TRABD2B: variants seen among roughly 807,000 people sequenced by gnomAD.
TRABD2B encodes TraB domain containing 2B.
Under a neutral mutation model 40.1 loss-of-function variants are expected in TRABD2B, and 14 were observed. That is an observed-to-expected ratio of 0.35 (90% CI 0.23 to 0.55). The LOEUF is 0.55. Among genes scored for constraint, TRABD2B ranks in the 20% least tolerant of loss-of-function variants. The pLI is 0.90. For missense variants in TRABD2B, 541 were observed against 648.6 expected (o/e 0.83, Z 1.80); for synonymous variants, 263 against 277.0 (o/e 0.95, Z 0.50).
At chr1:47,894,839 G>A (rs1644495067) in intron 2 of TRABD2B, among the ~76,000 whole-genome samples, 1 of 152,156 alleles carries the variant, frequency 6.6e-6, no homozygotes, top group South Asian at 2.1e-4. Context: ...TGCAACATGT[G>A]CTGAGGACAC....
At chr1:47,956,964 C>T (rs1353340049) in intron 2 of TRABD2B, among the ~76,000 whole-genome samples, 1 of 152,222 alleles carries the variant, frequency 6.6e-6, no homozygotes, top group Non-Finnish European at 1.5e-5. Context: ...CCACTAGGGG[C>T]TGACTGACAC....
At chr1:47,936,759 A>C (rs898932217) in intron 2 of TRABD2B, among the ~76,000 whole-genome samples, 13 of 152,192 alleles carry the variant, frequency 8.5e-5, no homozygotes, top group Non-Finnish European at 1.3e-4. Flanking sequence ...CATCTGTAGA[A>C]TAAGTATGAT....
chr1:47,798,662 C>T (rs74069685), intron 3 of TRABD2B, among the ~76,000 whole-genome samples: 13,279 of 152,250 alleles, frequency 0.087, 648 homozygotes, highest in Admixed American at 0.11. Context: ...GACCACATTG[C>T]TCTCCAGCTT....
intron 2 of TRABD2B, among the ~76,000 whole-genome samples, chr1:47,831,178 G>A (rs1645243384): frequency 1.3e-5 from 2 of 152,086 alleles, no homozygotes; most frequent in South Asian, 2.1e-4. Flanking sequence ...TCTGGAGACG[G>A]GGGGCAAACT....
intron 2 of TRABD2B, among the ~76,000 whole-genome samples, chr1:47,808,366 T>C: frequency 6.6e-6 from 1 of 152,234 alleles, no homozygotes; most frequent in East Asian, 1.9e-4. Flanking sequence ...CACATACATA[T>C]ATTCTATTGG....
At chr1:47,951,466 C>T (rs1241870421) in intron 2 of TRABD2B, among the ~76,000 whole-genome samples, 1 of 152,176 alleles carries the variant, frequency 6.6e-6, no homozygotes, top group Non-Finnish European at 1.5e-5. Flanking sequence ...GGATGCCGTC[C>T]TCCCAGGGCC....
chr1:47,979,855 T>C (rs1457376591), intron 2 of TRABD2B, among the ~76,000 whole-genome samples: 1 of 152,186 alleles, frequency 6.6e-6, no homozygotes, highest in Non-Finnish European at 1.5e-5. Flanking sequence ...AACCCAGTCC[T>C]GAGTTCCTGT....
chr1:47,926,323 G>A lies in TRABD2B; in HGVS notation c.666+67711C>T, dbSNP rs114261250. ...TAAAATCTCATACATACAGCAGCACGGCTCCAATAGTGCGTTCTATTGCAC... is the reference window on the plus strand; with the variant it reads ...TAAAATCTCATACATACAGCAGCACAGCTCCAATAGTGCGTTCTATTGCAC... On this transcript the variant is annotated intron_variant, in intron 2 of 6. Coordinates refer to ENST00000606738, the MANE Select transcript of TRABD2B (RefSeq NM_001194986.2). 8.3e-3 allele frequency among the ~76,000 whole-genome samples: 1,267 copies of A among 152,280 alleles called. 12 individuals carry two copies. Among genetic ancestry groups the A allele is most frequent in the Middle Eastern group, 0.034 (10 of 294 alleles).
chr1:47,855,074 T>C (rs546934800), intron 2 of TRABD2B, among the ~76,000 whole-genome samples: 1 of 152,318 alleles, frequency 6.6e-6, no homozygotes, highest in East Asian at 1.9e-4. Flanking sequence ...CAGAGGCCCT[T>C]AGACTGTGGT....
chr1:47,766,543 C>T (rs554358325), intron 6 of TRABD2B, among the ~76,000 whole-genome samples: 1 of 152,340 alleles, frequency 6.6e-6, no homozygotes, highest in South Asian at 2.1e-4. Flanking sequence ...GCAACCCCAC[C>T]GCGTTCCCTG....
At position 47,764,016 on chromosome 1, in the gene TRABD2B, A is replaced by G. The variant is rs1644272286; in HGVS notation, c.*1886T>C. ...CTCCTGCCAGGTCTCAAGCTCAAAC[A>G]CGTCCATCAGGGCTGAGCTGTAAAG... On this transcript the variant is annotated 3_prime_UTR_variant, in exon 7 of 7. Transcript: ENST00000606738. 6.6e-6 allele frequency: 1 copy of G among 152,272 alleles called. No individual in the cohort carries two copies. 9.4% of individuals were successfully genotyped at this position (152,272 alleles called of 1,614,324 possible).
At chr1:47,890,677 A>AC (rs1373217576) in intron 2 of TRABD2B, among the ~76,000 whole-genome samples, 1 of 152,120 alleles carries the variant, frequency 6.6e-6, no homozygotes, top group Non-Finnish European at 1.5e-5. Flanking sequence ...TCACATGGTC[A>AC]CCCCTAGGAG....
chr1:47,868,930 T>A lies in TRABD2B; in HGVS notation c.667-67311A>T, dbSNP rs191444181. 4.0e-4 allele frequency among the ~76,000 whole-genome samples: 61 copies of A among 152,316 alleles called. No individual in the cohort carries two copies. The East Asian group carries it at 0.01, about 26-fold the overall frequency. Reference sequence around the variant, plus strand: ...TTGTTGGTAAACTGGAGACTCTTCATCCCAACAGTCCCTTCTTGGGTCCTC... The same window carrying A: ...TTGTTGGTAAACTGGAGACTCTTCAACCCAACAGTCCCTTCTTGGGTCCTC... On this transcript the variant is annotated intron_variant, in intron 2 of 6. Transcript: ENST00000606738.
At chr1:47,954,465 T>G (rs571645728) in intron 2 of TRABD2B, among the ~76,000 whole-genome samples, 1 of 151,842 alleles carries the variant, frequency 6.6e-6, no homozygotes. Flanking sequence ...AGACCCTGAA[T>G]AAAGCAGGTG....
Position 47,764,767 on chromosome 1 carries a change from G to A in TRABD2B, c.*1135C>T, listed in dbSNP as rs1469223670. ...TGGCAGAACAGGGAACAGGAGGCAG[G>A]AATTGTTTTGCATCACACTGATCTG... On this transcript the variant is annotated 3_prime_UTR_variant, in exon 7 of 7. Transcript: ENST00000606738. 1 of 152,204 alleles carries A rather than the reference G, an allele frequency of 6.6e-6. No individual in the cohort carries two copies. Among genetic ancestry groups the A allele is most frequent in the East Asian group, 1.9e-4 (1 of 5,200 alleles). 9.4% of individuals were successfully genotyped at this position (152,204 alleles called of 1,614,324 possible). A position where few individuals can be genotyped will look rare whatever the true frequency, so the allele number is the denominator to read the frequency against.
chr1:47,886,970 G>A (rs981103843), intron 2 of TRABD2B, among the ~76,000 whole-genome samples: 3 of 152,068 alleles, frequency 2.0e-5, no homozygotes. Context: ...GTGGGAGTGG[G>A]GTGGCGCAGA....
chr1:47,979,660 G>A (rs936433452), intron 2 of TRABD2B, among the ~76,000 whole-genome samples: 2 of 152,124 alleles, frequency 1.3e-5, no homozygotes, highest in African/African-American at 2.4e-5. Context: ...ACTTTGAACA[G>A]GTGGAATCCC....
At chr1:47,830,171 T>C (rs72690401) in intron 2 of TRABD2B, among the ~76,000 whole-genome samples, 17,457 of 152,294 alleles carry the variant, frequency 0.11, 1,340 homozygotes, top group Middle Eastern at 0.19. Context: ...CCCTCCCAGA[T>C]GGGACCTCCC....
chr1:47,932,507 T>A (rs186581435), intron 2 of TRABD2B, among the ~76,000 whole-genome samples: 1 of 151,312 alleles, frequency 6.6e-6, no homozygotes, highest in African/African-American at 2.4e-5. Flanking sequence ...GTCAAGGGAG[T>A]TGTTTCTAGA....
Sources: gnomAD v4.1 joint callset for allele counts (sites outside exome capture counted in the v4.1 genomes callset) on GRCh38, gnomAD v4.1.1 for gene constraint, MANE v1.5 for transcripts, NCBI Gene and HGNC (gene_info 2026-07-23, HGNC 2026-07-21) for gene names.